SNAP23: variants seen among roughly 807,000 people sequenced by gnomAD.
The protein encoded by SNAP23 is synaptosome associated protein 23.
SNAP23 carries 11 observed loss-of-function variants against 29.0 expected under a neutral mutation model. The observed-to-expected ratio is 0.38, with a 90% CI of 0.24 to 0.63. The LOEUF is 0.63. SNAP23 is among the 20% of genes least tolerant of loss of function. The pLI, the probability that SNAP23 is intolerant of heterozygous loss-of-function variation, is 0.58. For missense variants in SNAP23, 220 were observed against 253.9 expected (o/e 0.87, Z 0.91); for synonymous variants, 60 against 82.9 (o/e 0.72, Z 1.50).
intron 1 of SNAP23, among the ~76,000 whole-genome samples, chr15:42,504,335 C>T (rs185529265): frequency 4.6e-5 from 7 of 151,896 alleles, no homozygotes; most frequent in Non-Finnish European, 8.8e-5. Context: ...AGCGAGACTC[C>T]GTCTCAAATA....
At chr15:42,510,545 G>A (rs1292251239) in intron 1 of SNAP23, among the ~76,000 whole-genome samples, 1 of 152,104 alleles carries the variant, frequency 6.6e-6, no homozygotes, top group Non-Finnish European at 1.5e-5. Context: ...GTTACATGCA[G>A]CTTTGTTTCT....
chr15:42,524,577 G>C (rs1395051283), intron 5 of SNAP23, among the ~76,000 whole-genome samples: 5 of 152,184 alleles, frequency 3.3e-5, no homozygotes, highest in African/African-American at 9.6e-5. Flanking sequence ...ACTAATGCCT[G>C]ATGATCTGAG....
intron 4 of SNAP23, among the ~76,000 whole-genome samples, chr15:42,514,946 C>T (rs1377566538): frequency 1.3e-5 from 2 of 152,126 alleles, no homozygotes; most frequent in Non-Finnish European, 2.9e-5. Context: ...AGGTCATCGC[C>T]CACCTCGGCC....
intron 1 of SNAP23, among the ~76,000 whole-genome samples, chr15:42,503,359 G>T (rs1301339386): frequency 2.3e-4 from 32 of 141,574 alleles, no homozygotes; most frequent in Non-Finnish European, 4.6e-5. Flanking sequence ...CCGCCACCAC[G>T]CCTGGCTAAT....
intron 5 of SNAP23, among the ~76,000 whole-genome samples, chr15:42,519,052 CTTCT>C (rs1168219083): frequency 5.8e-5 from 8 of 136,824 alleles, no homozygotes; most frequent in Admixed American, 1.4e-4. Context: ...TTTGTTTCTT[CTTCT>C]TTTTTTTTTT....
At chr15:42,516,348 T>G (rs2057396786) in intron 5 of SNAP23, among the ~76,000 whole-genome samples, 1 of 152,128 alleles carries the variant, frequency 6.6e-6, no homozygotes, top group African/African-American at 2.4e-5. Context: ...CTTTTTTTTT[T>G]GAGACGGAGT....
chr15:42,502,626 A>G (rs989246342), intron 1 of SNAP23, among the ~76,000 whole-genome samples: 5 of 152,212 alleles, frequency 3.3e-5, no homozygotes, highest in Non-Finnish European at 2.9e-5. Context: ...ATCCTTGCCA[A>G]TTAATCTCAC....
At chr15:42,513,313 A>T in intron 3 of SNAP23, 86 bp from the exon 4 acceptor site, 1 of 1,240,162 alleles carries the variant, frequency 8.1e-7, no homozygotes, top group East Asian at 2.3e-5. Context: ...GGGTTTCTAA[A>T]TTATTCTGTG....
chr15:42,515,155 G>A (rs2057388403), intron 4 of SNAP23, 82 bp from the exon 5 acceptor site: 7 of 796,272 alleles, frequency 8.8e-6, no homozygotes, highest in Middle Eastern at 2.4e-4. Flanking sequence ...CAAGGTTGAA[G>A]TTTGCTGTTC....
Position 42,528,358 on chromosome 15 carries a change from G to T in SNAP23, c.363G>T (p.Pro121=), listed in dbSNP as rs201975588. The T allele has an allele frequency of 3.9e-5, 63 of 1,613,964 alleles. No homozygotes were observed. Among genetic ancestry groups the T allele is most frequent in the Non-Finnish European group, 5.2e-5 (61 of 1,180,024 alleles). ...ATGTAGTATCTAAACAGCCAGGCCC[G>T]GTGACAAATGGTCAGCTTCAGCAAC... is the stretch of plus-strand genomic sequence containing the variant. ...PCNVVSKQPG[P]VTNGQLQQPT... is the part of the protein sequence containing the mutation. Residue 121 remains proline (P), a synonymous_variant, in exon 6 of 8, where the codon CCG becomes CCT. Transcript: ENST00000249647.
At chr15:42,509,684 C>A (rs923239623) in intron 1 of SNAP23, among the ~76,000 whole-genome samples, 1 of 152,138 alleles carries the variant, frequency 6.6e-6, no homozygotes. Context: ...GTGATCCATC[C>A]GCCTCGGCCT....
chr15:42,512,161 A>G (rs2057362309), intron 2 of SNAP23: 1 of 231,750 alleles, frequency 4.3e-6, no homozygotes, highest in Non-Finnish European at 8.3e-6. Context: ...TCTACTATGT[A>G]TTTGAGAAAT....
chr15:42,529,577 C>T (rs2057541412), intron 6 of SNAP23, 98 bp from the exon 7 acceptor site: 1 of 1,242,440 alleles, frequency 8.0e-7, no homozygotes, highest in Middle Eastern at 1.9e-4. Flanking sequence ...CTTATACTTG[C>T]TGAGAGTCAT....
chr15:42,524,779 A>T (rs2057482703), intron 5 of SNAP23, among the ~76,000 whole-genome samples: 1 of 114,434 alleles, frequency 8.7e-6, no homozygotes. Flanking sequence ...GTTTAAAAAC[A>T]TATTTATATT....
upstream of SNAP23, chr15:42,495,614 C>G (rs1426219582): frequency 2.6e-5 from 4 of 152,438 alleles, no homozygotes; most frequent in Admixed American, 2.6e-4. Context: ...AGTGAGCAGG[C>G]GCGCGGGCTC....
At chr15:42,508,656 A>G (rs1201640920) in intron 1 of SNAP23, among the ~76,000 whole-genome samples, 1 of 152,184 alleles carries the variant, frequency 6.6e-6, no homozygotes, top group African/African-American at 2.4e-5. Flanking sequence ...TCCCAGTTAT[A>G]TCTGCTTTCT....
intron 4 of SNAP23, among the ~76,000 whole-genome samples, chr15:42,514,700 CTTTTT>C (rs869134157): frequency 3.5e-5 from 4 of 115,136 alleles, no homozygotes; most frequent in African/African-American, 3.2e-5. Context: ...ATACAAGATT[CTTTTT>C]TTTTTTTTTT....
intron 1 of SNAP23, among the ~76,000 whole-genome samples, chr15:42,499,906 G>A (rs1785698077): frequency 6.6e-6 from 1 of 152,192 alleles, no homozygotes; most frequent in Non-Finnish European, 1.5e-5. Context: ...CACTTTGAGA[G>A]TCTGAGGCAG....
intron 3 of SNAP23, 154 bp from the exon 4 acceptor site, chr15:42,513,245 A>G (rs1261462883): frequency 1.3e-6 from 1 of 781,684 alleles, no homozygotes; most frequent in South Asian, 1.4e-5. Context: ...CTGCTATGTT[A>G]AAGTGTGTTA....
Sources: allele counts gnomAD v4.1 joint callset (sites outside exome capture counted in the v4.1 genomes callset), GRCh38; gene constraint gnomAD v4.1.1; transcripts MANE v1.5; gene names NCBI Gene and HGNC (gene_info 2026-07-23, HGNC 2026-07-21).